Variants in IQSEC2 observed in about 807,000 individuals in gnomAD.
The protein encoded by IQSEC2 is IQ motif and Sec7 domain ArfGEF 2.
In IQSEC2, 6 loss-of-function variants were observed where a neutral mutation model predicts 74.6. The ratio of observed to expected loss-of-function variants is 0.08; its 90% CI spans 0.04 to 0.16. The LOEUF (loss-of-function observed/expected upper bound fraction) is 0.16, where lower values mean the gene tolerates loss of function less well. Ranked by LOEUF, IQSEC2 falls within the 10% of genes least tolerant of loss-of-function variation. IQSEC2 has a pLI of 1.00. For missense variants in IQSEC2, 734 were observed against 1,306.2 expected (o/e 0.56, Z 6.75); for synonymous variants, 494 against 544.5 (o/e 0.91, Z 1.29).
chrX:53,309,462 A>G (rs1184569162), intron 1 of IQSEC2, among the ~76,000 whole-genome samples: 6 of 112,473 alleles, frequency 5.3e-5, no homozygotes, highest in Non-Finnish European at 1.9e-5. Flanking sequence ...CACTGTAAAT[A>G]TGAAATGGGC....
chrX:53,287,856 C>A (rs1428525890), intron 2 of IQSEC2, among the ~76,000 whole-genome samples: 1 of 112,057 alleles, frequency 8.9e-6, no homozygotes, highest in East Asian at 2.8e-4. Flanking sequence ...AAACCTCTTA[C>A]CCCTTCTTGC....
chrX:53,274,207 G>A (rs1556869071), intron 2 of IQSEC2, among the ~76,000 whole-genome samples: 2 of 111,144 alleles, frequency 1.8e-5, no homozygotes, highest in Non-Finnish European at 3.8e-5. Flanking sequence ...TTTAGAAAAG[G>A]CCTCTGGTTG....
chrX:53,247,824 T>C (rs782655386), intron 7 of IQSEC2, among the ~76,000 whole-genome samples: 22 of 112,213 alleles, frequency 2.0e-4, no homozygotes, highest in Non-Finnish European at 3.6e-4. Context: ...TTCGGTGAAA[T>C]AATCATGTAA....
At chrX:53,290,880 C>T (rs2075092459) in intron 2 of IQSEC2, among the ~76,000 whole-genome samples, 1 of 112,774 alleles carries the variant, frequency 8.9e-6, no homozygotes. Flanking sequence ...CAAAGGGTCA[C>T]AGCCAAAAGG....
intron 2 of IQSEC2, among the ~76,000 whole-genome samples, chrX:53,271,527 T>C (rs2074745226): frequency 9.0e-6 from 1 of 111,588 alleles, no homozygotes; most frequent in African/African-American, 3.3e-5. Context: ...TCCACAACAG[T>C]TTATATCATC....
intron 9 of IQSEC2, among the ~76,000 whole-genome samples, chrX:53,242,171 C>T (rs1479705306): frequency 1.8e-5 from 2 of 111,168 alleles, no homozygotes; most frequent in African/African-American, 3.3e-5. Flanking sequence ...CAGTGGCTCA[C>T]GCCTGTAATC....
chrX:53,320,274 ATG>A (rs2146547271), intron 1 of IQSEC2, 141 bp downstream of exon 1: 1 of 553,676 alleles, frequency 1.8e-6, no homozygotes, highest in East Asian at 4.0e-5. Context: ...TGTCGGCTGG[ATG>A]AGGGGGACCT....
chrX:53,299,577 G>T (rs2075189900), intron 1 of IQSEC2, among the ~76,000 whole-genome samples: 1 of 110,902 alleles, frequency 9.0e-6, no homozygotes, highest in Non-Finnish European at 1.9e-5. Context: ...ACTGTTTTAG[G>T]CTGCAGATCC....
intron 2 of IQSEC2, among the ~76,000 whole-genome samples, chrX:53,274,601 A>T (rs2147220840): frequency 9.4e-6 from 1 of 106,725 alleles, no homozygotes; most frequent in Non-Finnish European, 1.9e-5. Context: ...AGCTGGGACT[A>T]CACGCGCCCG....
At chrX:53,318,349 G>A (rs185262259) in intron 1 of IQSEC2, among the ~76,000 whole-genome samples, 1 of 112,210 alleles carries the variant, frequency 8.9e-6, no homozygotes, top group African/African-American at 3.2e-5. Flanking sequence ...GCAAGGAAAC[G>A]CAACAAGCAA....
intron 2 of IQSEC2, among the ~76,000 whole-genome samples, chrX:53,256,669 C>CG (rs1335770977): frequency 8.9e-6 from 1 of 112,192 alleles, no homozygotes; most frequent in Non-Finnish European, 1.9e-5. Flanking sequence ...GCCTGGACTC[C>CG]GGGCCAGGCC....
intron 2 of IQSEC2, among the ~76,000 whole-genome samples, chrX:53,277,815 C>T (rs2074860311): frequency 9.3e-6 from 1 of 107,499 alleles, no homozygotes; most frequent in Admixed American, 1.0e-4. Flanking sequence ...GGATTACAGG[C>T]ACACACCACC....
At chrX:53,265,814 C>CT (rs1359765521) in intron 2 of IQSEC2, among the ~76,000 whole-genome samples, 2 of 112,036 alleles carry the variant, frequency 1.8e-5, no homozygotes, top group Non-Finnish European at 3.8e-5. Flanking sequence ...GAATCAGAAC[C>CT]TTAAAAGTAA....
chrX:53,245,772 T>A (rs1378111624), intron 8 of IQSEC2, among the ~76,000 whole-genome samples: 1 of 110,831 alleles, frequency 9.0e-6, no homozygotes, highest in East Asian at 2.8e-4. Context: ...CATCTGGCAT[T>A]CAAGGCCCTC....
chrX:53,313,088 G>A (rs2075336831), intron 1 of IQSEC2, among the ~76,000 whole-genome samples: 1 of 112,055 alleles, frequency 8.9e-6, no homozygotes, highest in Non-Finnish European at 1.9e-5. Context: ...AAAGGGATGC[G>A]ATGCATCGGT....
chrX:53,292,408 C>T (rs371444960), intron 1 of IQSEC2, among the ~76,000 whole-genome samples: 5 of 112,032 alleles, frequency 4.5e-5, no homozygotes, highest in Admixed American at 9.5e-5. Context: ...GTTTGTGACA[C>T]GAGGCCGATC....
chrX:53,315,709 A>G (rs782604833), intron 1 of IQSEC2, among the ~76,000 whole-genome samples: 2 of 112,568 alleles, frequency 1.8e-5, no homozygotes, highest in African/African-American at 6.4e-5. Context: ...AGAGCAGTGA[A>G]AAAATGTTAG....
intron 14 of IQSEC2, among the ~76,000 whole-genome samples, chrX:53,235,555 G>A (rs1241191233): frequency 1.8e-5 from 2 of 111,516 alleles, no homozygotes; most frequent in African/African-American, 3.3e-5. Context: ...ACTCGCCGTC[G>A]GCCCTGGGGT....
At chrX:53,237,976 C>A in intron 12 of IQSEC2, 169 bp downstream of exon 12, 1 of 539,024 alleles carries the variant, frequency 1.9e-6, no homozygotes, top group Non-Finnish European at 3.2e-6. Context: ...AGGTAATGAG[C>A]CCCTTGTCAC....
Sources: gnomAD v4.1 joint callset for allele counts (sites outside exome capture counted in the v4.1 genomes callset) on GRCh38, gnomAD v4.1.1 for gene constraint, MANE v1.5 for transcripts, NCBI Gene and HGNC (gene_info 2026-07-23, HGNC 2026-07-21) for gene names.